ELL2: variants seen among roughly 807,000 people sequenced by gnomAD.
ELL2 encodes the protein elongation factor for RNA polymerase II 2, also known as RNA polymerase II elongation factor ELL2.
Under a neutral mutation model 72.8 loss-of-function variants are expected in ELL2, and 21 were observed. The observed-to-expected ratio is 0.29, with a 90% CI of 0.20 to 0.42. The LOEUF (loss-of-function observed/expected upper bound fraction) is 0.42, where lower values mean the gene tolerates loss of function less well. Among genes scored for constraint, ELL2 ranks in the 10% least tolerant of loss-of-function variants. The pLI, the probability that ELL2 is intolerant of heterozygous loss-of-function variation, is 1.00. For missense variants in ELL2, 568 were observed against 772.8 expected, an observed-to-expected ratio of 0.73 and a Z score of 3.14; for synonymous variants, 266 against 283.2, an observed-to-expected ratio of 0.94 and a Z score of 0.61.
intron 2 of ELL2, among the ~76,000 whole-genome samples, chr5:95,926,923 A>C (rs962831378): frequency 1.3e-5 from 2 of 152,206 alleles, no homozygotes; most frequent in Non-Finnish European, 2.9e-5. Flanking sequence ...ATATAACTGA[A>C]ATTACAAAAA....
intron 5 of ELL2, among the ~76,000 whole-genome samples, chr5:95,905,935 TA>T (rs924679332): frequency 2.6e-5 from 4 of 152,146 alleles, no homozygotes; most frequent in Non-Finnish European, 4.4e-5. Flanking sequence ...CCACTGACTT[TA>T]AAAAACAATG....
chr5:95,951,541 A>C (rs1751402938), intron 1 of ELL2, among the ~76,000 whole-genome samples: 1 of 152,136 alleles, frequency 6.6e-6, no homozygotes, highest in Non-Finnish European at 1.5e-5. Flanking sequence ...GGGATCATGA[A>C]CTCTAAAGCA....
rs151052710 is a variant in ELL2, at chr5:95,929,966, A to G, written c.196-10421T>C. The stretch of plus-strand genomic sequence containing the variant: ...TTATACATTTTTCTTTCTAAAAAGT[A>G]TCTTCGTCTTTATTAAAACACTCGC... On this transcript the variant is annotated intron_variant, in intron 2 of 11. Transcript: ENST00000237853. 1.4e-3 allele frequency among the ~76,000 whole-genome samples: 209 copies of G among 152,292 alleles called. 1 individual carries two copies. The highest frequency in any genetic ancestry group is 2.4e-3 in the Non-Finnish European group (164 of 68,012).
Position 95,961,560 on chromosome 5 carries a change from G to A in ELL2, c.147+15C>T, listed in dbSNP as rs199813969. On this transcript the variant is annotated intron_variant, in intron 1 of 11. Coordinates refer to ENST00000237853, the MANE Select transcript of ELL2 (RefSeq NM_012081.6). ...TCTGCCTCTCTGAGCCCAGCCTGCC[G>A]GCCGGCCCGCTCACCTTGTGGCTCT... is the stretch of plus-strand genomic sequence containing the variant. The A allele has an allele frequency of 6.4e-7, 1 of 1,566,602 alleles. No individual in the cohort carries two copies. Among genetic ancestry groups the A allele is most frequent in the Non-Finnish European group, 8.6e-7 (1 of 1,159,304 alleles).
At chr5:95,894,302 T>C (rs1748784749) in intron 9 of ELL2, among the ~76,000 whole-genome samples, 1 of 152,218 alleles carries the variant, frequency 6.6e-6, no homozygotes. Context: ...CTTGAATCCA[T>C]GGGCAAAAGT....
chr5:95,960,878 C>T (rs886731319), intron 1 of ELL2, among the ~76,000 whole-genome samples: 1 of 151,702 alleles, frequency 6.6e-6, no homozygotes, highest in Non-Finnish European at 1.5e-5. Context: ...GTCCCCTCCC[C>T]CCCCGTACGC....
rs370330104 is a variant in ELL2 at position 95,927,641 on chromosome 5, GTA to G, written c.196-8098_196-8097del. Among the ~76,000 whole-genome samples the G allele has an allele frequency of 1.7e-4, 7 of 41,040 alleles. 1 individual carries two copies. The highest frequency in any genetic ancestry group is 2.5e-4 in the Non-Finnish European group (6 of 24,068). The allele number at this position is 41,040 out of a possible 152,430, so 26.9% of individuals were successfully genotyped here. A position where few individuals can be genotyped will look rare whatever the true frequency, so the allele number is the denominator to read the frequency against. On this transcript the variant is annotated intron_variant, in intron 2 of 11. Coordinates refer to ENST00000237853, the MANE Select transcript of ELL2 (RefSeq NM_012081.6). ...TATATAGACATACACACACACGTGT[GTA>G]TATAGACATACACACACACGTGTGT...
At chr5:95,951,751 T>C (rs1050412976) in intron 1 of ELL2, among the ~76,000 whole-genome samples, 3 of 152,104 alleles carry the variant, frequency 2.0e-5, no homozygotes, top group African/African-American at 7.2e-5. Flanking sequence ...GGGGGAAGGG[T>C]AGAAACTTGA....
chr5:95,908,324 T>G (rs955688554), intron 4 of ELL2, among the ~76,000 whole-genome samples: 1 of 152,226 alleles, frequency 6.6e-6, no homozygotes, highest in African/African-American at 2.4e-5. Flanking sequence ...AACTGAGGCT[T>G]TTAATGGGAT....
rs747862098 is a variant in ELL2, at chr5:95,906,712, G to C, written c.552C>G (p.Thr184=). 4 of 1,613,790 alleles carry C rather than the reference G, an allele frequency of 2.5e-6. No homozygotes were observed. In the South Asian group the frequency reaches 4.4e-5, roughly 18 times the overall value. The part of the protein sequence containing the change: ...SDTVPERKRS[T]PMNPANTIRK... ...GAATTGTATTTGCAGGGTTCATGGG[G>C]GTTGACCTTTTCCTCTCAGGAACTG... The change falls in exon 5 of 12, where the codon ACC becomes ACG. Residue 184 remains threonine (T), a synonymous_variant. Transcript: ENST00000237853.
chr5:95,895,810 T>G, intron 8 of ELL2, 119 bp from the exon 9 acceptor site: 2 of 816,950 alleles, frequency 2.4e-6, no homozygotes, highest in Non-Finnish European at 4.1e-6. Flanking sequence ...TATTCTTCCA[T>G]CTCAATAAGC....
intron 3 of ELL2, among the ~76,000 whole-genome samples, chr5:95,915,597 A>G (rs1749760858): frequency 6.6e-6 from 1 of 152,080 alleles, no homozygotes; most frequent in South Asian, 2.1e-4. Flanking sequence ...GGTGACAAGG[A>G]TGGACAAACT....
At chr5:95,915,454 AAC>A (rs886636525) in intron 3 of ELL2, among the ~76,000 whole-genome samples, 1 of 152,240 alleles carries the variant, frequency 6.6e-6, no homozygotes, top group Non-Finnish European at 1.5e-5. Flanking sequence ...ATTTAAGAAA[AAC>A]ACACACACAA....
Position 95,921,392 on chromosome 5 carries a change from A to G in ELL2, c.196-1847T>C, listed in dbSNP as rs1267677065. 2.0e-5 allele frequency among the ~76,000 whole-genome samples: 3 copies of G among 152,302 alleles called. No homozygotes were observed. In the East Asian group the frequency reaches 5.8e-4, roughly 29 times the overall value. ...TTTGACTCCCTATTTGAAATTAGAGACAACTCCTGGCACAAGTTTCTGTGT... is the reference window on the plus strand; with the variant it reads ...TTTGACTCCCTATTTGAAATTAGAGGCAACTCCTGGCACAAGTTTCTGTGT... On this transcript the variant is annotated intron_variant, in intron 2 of 11. Transcript: ENST00000237853.
chr5:95,907,248 G>T (rs1320029953), intron 4 of ELL2, among the ~76,000 whole-genome samples: 1 of 148,724 alleles, frequency 6.7e-6, no homozygotes, highest in African/African-American at 2.5e-5. Context: ...AAAGAGGGGG[G>T]AGGTCAACAT....
chr5:95,908,420 T>C (rs1025041627), intron 4 of ELL2, among the ~76,000 whole-genome samples: 1 of 152,196 alleles, frequency 6.6e-6, no homozygotes, highest in Non-Finnish European at 1.5e-5. Context: ...TAAGTCTTTG[T>C]GGGAAAGGTT....
intron 5 of ELL2, among the ~76,000 whole-genome samples, chr5:95,901,518 T>C (rs111604327): frequency 0.043 from 6,583 of 152,128 alleles, 247 homozygotes; most frequent in African/African-American, 0.092. Flanking sequence ...TATACATACA[T>C]ACCTGATAGT....
intron 2 of ELL2, among the ~76,000 whole-genome samples, chr5:95,941,301 G>C (rs1401244135): frequency 6.6e-6 from 1 of 152,168 alleles, no homozygotes; most frequent in African/African-American, 2.4e-5. Context: ...AAGTAGAGCA[G>C]GCAAAGATAA....
At chr5:95,955,502 C>G (rs1437004758) in intron 1 of ELL2, among the ~76,000 whole-genome samples, 1 of 151,556 alleles carries the variant, frequency 6.6e-6, no homozygotes, top group East Asian at 1.9e-4. Context: ...AGTACTGCCA[C>G]AGAAAAAAAT....
Sources: gnomAD v4.1 joint callset for allele counts (sites outside exome capture counted in the v4.1 genomes callset) on GRCh38, gnomAD v4.1.1 for gene constraint, MANE v1.5 for transcripts, NCBI Gene and HGNC (gene_info 2026-07-23, HGNC 2026-07-21) for gene names.